FCHO2: variants seen among roughly 807,000 people sequenced by gnomAD.
FCHO2 encodes the protein FCH and mu domain containing endocytic adaptor 2.
In FCHO2, 43 loss-of-function variants were observed where a neutral mutation model predicts 114.1. That is an observed-to-expected ratio of 0.38 (90% CI 0.30 to 0.49). The LOEUF (loss-of-function observed/expected upper bound fraction) is 0.49. FCHO2 is among the 20% of genes least tolerant of loss of function. The probability of loss-of-function intolerance (pLI) is 0.97; values close to 1 mark genes in which losing one functional copy is unlikely to be tolerated. For missense variants in FCHO2, 807 were observed against 950.4 expected (o/e 0.85, Z 1.98); for synonymous variants, 293 against 315.2 (o/e 0.93, Z 0.75).
At chr5:73,045,808 C>T (rs1028506845) in intron 11 of FCHO2, among the ~76,000 whole-genome samples, 10 of 152,132 alleles carry the variant, frequency 6.6e-5, no homozygotes, top group Admixed American at 2.6e-4. Flanking sequence ...CCAATCTCTG[C>T]CTTTTAATTG....
rs79160301 is a variant in FCHO2, at chr5:73,049,540, C to T, written c.940-1809C>T. ...ATATCTGTAGTATTTATTGGCTCCT[C>T]TTCTGCTTTTAGGCATGCCCAGTTT... is the stretch of plus-strand genomic sequence containing the variant. On this transcript the variant is annotated intron_variant, in intron 11 of 25. Coordinates refer to ENST00000430046, the MANE Select transcript of FCHO2 (RefSeq NM_138782.3). 7.3e-3 allele frequency among the ~76,000 whole-genome samples: 1,105 copies of T among 152,068 alleles called. 5 individuals carry two copies. The highest frequency in any genetic ancestry group is 0.013 in the Non-Finnish European group (859 of 67,986).
intron 2 of FCHO2, among the ~76,000 whole-genome samples, chr5:72,974,478 G>C (rs1335512150): frequency 6.7e-6 from 1 of 150,018 alleles, no homozygotes; most frequent in Non-Finnish European, 1.5e-5. Context: ...TGTCTCTTTT[G>C]ATCTTTGTTG....
Position 72,990,600 on chromosome 5 carries a change from A to C in FCHO2, c.323A>C (p.Gln108Pro). Residue 108 changes from glutamine (Q) to proline (P), a missense_variant, in exon 4 of 26, where the codon CAA (glutamine) becomes CCA (proline). Gln to Pro is a moderately conservative substitution (Grantham distance 76, BLOSUM62 -1). Transcript: ENST00000430046. Reference sequence around the variant, plus strand: ...GAAGTTCAGAAGTATGGAGAAGAACAAGTAAAGTCTCATAAAAAGGTATCA... The same window carrying C: ...GAAGTTCAGAAGTATGGAGAAGAACCAGTAAAGTCTCATAAAAAGGTATCA... Reference protein sequence around the residue: ...IKEVQKYGEEQVKSHKKTKEE... With the variant: ...IKEVQKYGEEPVKSHKKTKEE... 1 of 1,531,928 alleles carries C rather than the reference A, an allele frequency of 6.5e-7. No individual in the cohort carries two copies. Among genetic ancestry groups the C allele is most frequent in the Non-Finnish European group, 8.7e-7 (1 of 1,144,544 alleles). 94.9% of individuals were successfully genotyped at this position (1,531,928 alleles called of 1,614,324 possible).
chr5:72,968,005 A>G (rs999826269), intron 1 of FCHO2, among the ~76,000 whole-genome samples: 2 of 151,282 alleles, frequency 1.3e-5, no homozygotes, highest in African/African-American at 4.9e-5. Flanking sequence ...GCTCACTGCA[A>G]GCTCTGCCTC....
chr5:73,039,916 A>C (rs964024678), intron 10 of FCHO2, among the ~76,000 whole-genome samples: 2 of 146,464 alleles, frequency 1.4e-5, no homozygotes, highest in African/African-American at 4.9e-5. Flanking sequence ...TGGGTGACAG[A>C]GTAAGACTCT....
chr5:72,996,645 C>G (rs988235341), intron 5 of FCHO2, among the ~76,000 whole-genome samples: 5 of 151,970 alleles, frequency 3.3e-5, no homozygotes, highest in Admixed American at 6.6e-5. Context: ...TGTCTCGGCC[C>G]GCAACTTCCC....
intron 5 of FCHO2, chr5:72,997,463 C>G: frequency 6.3e-7 from 1 of 1,583,360 alleles, no homozygotes. Context: ...CATTGTGATC[C>G]TGGCTAACTC....
Position 73,032,124 on chromosome 5 carries a change from T to G in FCHO2, c.797-2533T>G, listed in dbSNP as rs1021234160. Among the ~76,000 whole-genome samples the G allele has an allele frequency of 2.6e-4, 40 of 152,346 alleles. 1 individual carries two copies. The highest frequency in any genetic ancestry group is 2.5e-3 in the Admixed American group (39 of 15,302). On this transcript the variant is annotated intron_variant, in intron 8 of 25. Transcript: ENST00000430046. ...GTCAGAATGTGCATTGATATCCAGC[T>G]GAGTTGTCAACTGGCACTGAGCCAG...
intron 22 of FCHO2, among the ~76,000 whole-genome samples, chr5:73,081,309 T>C (rs1219982200): frequency 6.6e-6 from 1 of 152,184 alleles, no homozygotes; most frequent in South Asian, 2.1e-4. Flanking sequence ...CTGTGAGTCA[T>C]GTGATTAAAC....
Position 73,056,061 on chromosome 5 carries a change from T to G in FCHO2, c.1211-4T>G. The G allele has an allele frequency of 6.7e-7, 1 of 1,493,106 alleles. No homozygotes were observed. Among genetic ancestry groups the G allele is most frequent in the East Asian group, 2.5e-5 (1 of 40,066 alleles). 92.5% of individuals were successfully genotyped at this position (1,493,106 alleles called of 1,614,324 possible). ...AAGTTTTCATATTTTAATTTTTTAATTAGATGAGGAGTTAACAAAATCAAA... is the reference window on the plus strand; with the variant it reads ...AAGTTTTCATATTTTAATTTTTTAAGTAGATGAGGAGTTAACAAAATCAAA... On this transcript the variant is annotated splice_region_variant and splice_polypyrimidine_tract_variant and intron_variant, in intron 15 of 25. Transcript: ENST00000430046.
At chr5:72,996,795 G>A (rs1754132112) in intron 5 of FCHO2, 6 of 663,146 alleles carry the variant, frequency 9.0e-6, no homozygotes, top group South Asian at 1.8e-5. Flanking sequence ...ACCCCTCTCT[G>A]CAGCCTCTCC....
chr5:73,027,319 C>G (rs1457963551), intron 8 of FCHO2, among the ~76,000 whole-genome samples: 1 of 149,446 alleles, frequency 6.7e-6, no homozygotes, highest in African/African-American at 2.5e-5. Context: ...CAGCAGGTTT[C>G]CATTTATATA....
At chr5:72,993,142 AATAAAC>A (rs1375482412) in intron 5 of FCHO2, among the ~76,000 whole-genome samples, 3 of 152,088 alleles carry the variant, frequency 2.0e-5, no homozygotes, top group Admixed American at 1.3e-4. Flanking sequence ...TGTTCAAATA[AATAAAC>A]ATAAACTTAC....
chr5:72,985,698 A>T (rs1288947852), intron 2 of FCHO2, among the ~76,000 whole-genome samples: 3 of 151,946 alleles, frequency 2.0e-5, no homozygotes, highest in Non-Finnish European at 4.4e-5. Context: ...TATAGTTGAG[A>T]TGTTAGCTAT....
At chr5:73,067,605 A>G (rs1209542493) in intron 18 of FCHO2, among the ~76,000 whole-genome samples, 1 of 152,040 alleles carries the variant, frequency 6.6e-6, no homozygotes, top group African/African-American at 2.4e-5. Context: ...TATGAATGCA[A>G]GTAGGGTTTT....
intron 5 of FCHO2, chr5:72,996,845 G>C: frequency 9.9e-7 from 1 of 1,014,082 alleles, no homozygotes; most frequent in Non-Finnish European, 1.5e-6. Context: ...GGCAACGGGG[G>C]GCTGGCGGAG....
chr5:73,054,644 T>G, intron 15 of FCHO2, 95 bp downstream of exon 15: 1 of 924,692 alleles, frequency 1.1e-6, no homozygotes, highest in Non-Finnish European at 1.6e-6. Context: ...ATAAATGATC[T>G]TTTCTCATCA....
intron 2 of FCHO2, among the ~76,000 whole-genome samples, chr5:72,986,279 C>G (rs931998778): frequency 1.3e-4 from 20 of 151,924 alleles, no homozygotes; most frequent in African/African-American, 4.8e-4. Flanking sequence ...GTGCTTTCCT[C>G]CACTTCTTAA....
chr5:72,976,319 T>A (rs999347448), intron 2 of FCHO2, among the ~76,000 whole-genome samples: 1 of 152,114 alleles, frequency 6.6e-6, no homozygotes. Flanking sequence ...CCTCAAGTGA[T>A]CCTCCTTGCC....
Sources: gnomAD v4.1 joint callset for allele counts (sites outside exome capture counted in the v4.1 genomes callset) on GRCh38, gnomAD v4.1.1 for gene constraint, MANE v1.5 for transcripts, NCBI Gene and HGNC (gene_info 2026-07-23, HGNC 2026-07-21) for gene names.